The following HHLA2 variants were observed in gnomAD, a reference collection of about 807,000 sequenced individuals.
HHLA2 encodes HHLA2 member of B7 family.
Under a neutral mutation model 45.9 loss-of-function variants are expected in HHLA2, and 48 were observed. The observed-to-expected ratio is 1.05, with a 90% confidence interval of 0.83 to 1.33. The LOEUF is 1.33. Among genes scored for constraint, HHLA2 ranks in the 40% most tolerant of loss-of-function variants. HHLA2 has a pLI of 0.00. For missense variants in HHLA2, 462 were observed against 494.3 expected (o/e 0.93, Z 0.62); for synonymous variants, 161 against 173.9 (o/e 0.93, Z 0.59).
intron 7 of HHLA2, among the ~76,000 whole-genome samples, chr3:108,360,368 G>A (rs921572066): frequency 1.6e-4 from 25 of 152,114 alleles, no homozygotes; most frequent in African/African-American, 5.8e-4. Context: ...TTTACAGATA[G>A]AAGATTCATT....
At chr3:108,376,125 C>A (rs1210418484) in intron 9 of HHLA2, among the ~76,000 whole-genome samples, 1 of 152,116 alleles carries the variant, frequency 6.6e-6, no homozygotes, top group Non-Finnish European at 1.5e-5. Flanking sequence ...CATAAGGAGA[C>A]CTTCTTTGAG....
chr3:108,333,356 T>C lies in HHLA2; in HGVS notation c.-27+5009T>C, dbSNP rs149540995. 4.6e-3 allele frequency among the ~76,000 whole-genome samples: 697 copies of C among 152,298 alleles called. 5 individuals carry two copies. The highest frequency in any genetic ancestry group is 0.015 in the African/African-American group (640 of 41,580). On this transcript the variant is annotated intron_variant, in intron 3 of 10. Transcript: ENST00000619531. Reference sequence around the variant, plus strand: ...GCAAAAAGCAGCAAAGTCTCTTTTATATGAAAAGAAGTGAATGCCAATGGC... The same window carrying C: ...GCAAAAAGCAGCAAAGTCTCTTTTACATGAAAAGAAGTGAATGCCAATGGC...
At chr3:108,370,866 G>GTGAT (rs2082157712) in intron 8 of HHLA2, among the ~76,000 whole-genome samples, 1 of 152,230 alleles carries the variant, frequency 6.6e-6, no homozygotes, top group Non-Finnish European at 1.5e-5. Context: ...GTACCTGAAA[G>GTGAT]TGATGGGGAG....
intron 2 of HHLA2, among the ~76,000 whole-genome samples, chr3:108,325,195 G>A (rs1009601280): frequency 2.0e-5 from 3 of 151,828 alleles, no homozygotes; most frequent in Admixed American, 6.6e-5. Context: ...GTCATGACCA[G>A]ACTATTACAT....
intron 1 of HHLA2, among the ~76,000 whole-genome samples, chr3:108,302,161 A>G (rs954570689): frequency 6.6e-6 from 1 of 152,200 alleles, no homozygotes; most frequent in Non-Finnish European, 1.5e-5. Flanking sequence ...TAACATGAAG[A>G]TTAAACAGTC....
chr3:108,345,702 C>T (rs1870010), intron 3 of HHLA2, among the ~76,000 whole-genome samples: 102,884 of 152,054 alleles, frequency 0.68, 35,693 homozygotes, highest in African/African-American at 0.77. Context: ...ACACAGACTG[C>T]GGTTTCACCT....
intron 1 of HHLA2, among the ~76,000 whole-genome samples, chr3:108,297,585 G>A (rs892309658): frequency 3.3e-5 from 5 of 152,190 alleles, no homozygotes; most frequent in Non-Finnish European, 5.9e-5. Context: ...CTGGTATGTA[G>A]AAAGTGTTTA....
At chr3:108,337,793 CTTT>C (rs57202319) in intron 3 of HHLA2, among the ~76,000 whole-genome samples, 2,865 of 152,154 alleles carry the variant, frequency 0.019, 90 homozygotes, top group African/African-American at 0.065. Context: ...GGCCTTTGCT[CTTT>C]TTGGTGCTTG....
chr3:108,330,224 A>G (rs2081359922), intron 3 of HHLA2, among the ~76,000 whole-genome samples: 1 of 152,202 alleles, frequency 6.6e-6, no homozygotes, highest in Non-Finnish European at 1.5e-5. Flanking sequence ...TATTGGTTAT[A>G]CAGACCAGCC....
chr3:108,341,055 C>G (rs1319376587), intron 3 of HHLA2, among the ~76,000 whole-genome samples: 2 of 151,760 alleles, frequency 1.3e-5, no homozygotes, highest in Non-Finnish European at 2.9e-5. Context: ...CAGGTTCAAG[C>G]AATTCTTGTG....
intron 3 of HHLA2, among the ~76,000 whole-genome samples, chr3:108,335,977 A>G (rs900582836): frequency 1.3e-4 from 19 of 151,756 alleles, no homozygotes; most frequent in African/African-American, 4.6e-4. Context: ...TATTATATCT[A>G]GTTGCTCTCA....
chr3:108,354,509 G>T (rs2081848188), intron 5 of HHLA2, among the ~76,000 whole-genome samples: 1 of 151,984 alleles, frequency 6.6e-6, no homozygotes, highest in Non-Finnish European at 1.5e-5. Flanking sequence ...AAGAGTTCCT[G>T]ATGATGTGCT....
At chr3:108,362,115 T>C (rs1553758033) in intron 7 of HHLA2, among the ~76,000 whole-genome samples, 1 of 152,206 alleles carries the variant, frequency 6.6e-6, no homozygotes, top group Non-Finnish European at 1.5e-5. Flanking sequence ...CTAGGAGATA[T>C]TTATGCTCAA....
intron 1 of HHLA2, among the ~76,000 whole-genome samples, chr3:108,302,088 T>C (rs1208451109): frequency 1.3e-5 from 2 of 152,206 alleles, no homozygotes; most frequent in Non-Finnish European, 2.9e-5. Context: ...GTAATCTAAT[T>C]CACACAAGAA....
chr3:108,355,742 T>G (rs2081877679), intron 6 of HHLA2, among the ~76,000 whole-genome samples: 1 of 152,236 alleles, frequency 6.6e-6, no homozygotes, highest in South Asian at 2.1e-4. Flanking sequence ...CATTGCTCTT[T>G]AAAAGATCAA....
chr3:108,357,511 A>C (rs1157964924), intron 6 of HHLA2, among the ~76,000 whole-genome samples: 2 of 152,180 alleles, frequency 1.3e-5, no homozygotes, highest in African/African-American at 2.4e-5. Context: ...CAAGAGAAGG[A>C]GAACATTGAG....
intron 3 of HHLA2, among the ~76,000 whole-genome samples, chr3:108,344,709 C>A (rs933144693): frequency 6.6e-6 from 1 of 152,112 alleles, no homozygotes; most frequent in African/African-American, 2.4e-5. Context: ...GAGTTTTGTT[C>A]AATTGCTCAC....
At chr3:108,375,762 C>A (rs763405398) in exon 9 of HHLA2, 10 of 1,610,814 alleles carry the variant, frequency 6.2e-6, no homozygotes, top group Non-Finnish European at 8.5e-6. Context: ...CAGCTAGAAG[C>A]CAGGAGGAGC....
intron 2 of HHLA2, among the ~76,000 whole-genome samples, chr3:108,312,140 C>G (rs1019705282): frequency 6.9e-6 from 1 of 145,608 alleles, no homozygotes; most frequent in African/African-American, 2.5e-5. Flanking sequence ...TCTGCATCCT[C>G]TTAGTGGCTC....
Sources: allele counts gnomAD v4.1 joint callset (sites outside exome capture counted in the v4.1 genomes callset), GRCh38; gene constraint gnomAD v4.1.1; transcripts MANE v1.5; gene names NCBI Gene and HGNC (gene_info 2026-07-23, HGNC 2026-07-21).